SRPK2: variants seen among roughly 807,000 people sequenced by gnomAD.
The protein encoded by SRPK2 is SRSF protein kinase 2.
SRPK2 carries 21 observed loss-of-function variants against 90.8 expected under a neutral mutation model. That is an observed-to-expected ratio of 0.23 (90% CI 0.16 to 0.33). The LOEUF (loss-of-function observed/expected upper bound fraction) is 0.33. Among genes scored for constraint, SRPK2 ranks in the 10% least tolerant of loss-of-function variants. The pLI is 1.00. For missense variants in SRPK2, 620 were observed against 869.0 expected (o/e 0.71, Z 3.60); for synonymous variants, 288 against 311.1 (o/e 0.93, Z 0.78).
intron 2 of SRPK2, among the ~76,000 whole-genome samples, chr7:105,337,675 C>T (rs921250005): frequency 3.3e-5 from 5 of 151,930 alleles, no homozygotes; most frequent in East Asian, 1.9e-4. Context: ...CTCCTAAGCG[C>T]GATGGCACAG....
intron 11 of SRPK2, among the ~76,000 whole-genome samples, chr7:105,141,366 T>C (rs1187237275): frequency 6.6e-6 from 1 of 152,206 alleles, no homozygotes; most frequent in Non-Finnish European, 1.5e-5. Flanking sequence ...ACCAGCTGTG[T>C]TACCCAGTTT....
At chr7:105,146,752 T>C in intron 7 of SRPK2, 94 bp from the exon 8 acceptor site, 1 of 1,318,380 alleles carries the variant, frequency 7.6e-7, no homozygotes, top group South Asian at 1.3e-5. Context: ...AATGCCAGGG[T>C]ACAAAGTTTG....
intron 3 of SRPK2, among the ~76,000 whole-genome samples, chr7:105,196,797 C>T (rs2129607971): frequency 6.6e-6 from 1 of 152,282 alleles, no homozygotes; most frequent in East Asian, 1.9e-4. Flanking sequence ...CACCTGTAAT[C>T]CCTGCACTTT....
rs367795168 is a variant in SRPK2 at position 105,268,907 on chromosome 7, T to C, written c.72-65122A>G. The C allele has an allele frequency of 8.3e-6, 13 of 1,564,974 alleles. No individual in the cohort carries two copies. In the African/African-American group the frequency reaches 1.6e-4, roughly 19 times the overall value. ...GAAAATATTCACAACCAAGATTGCC[T>C]GCCCTTGCTTTCAAGCCTTATATCA... On this transcript the variant is annotated intron_variant, in intron 2 of 15. Transcript: ENST00000393651.
At chr7:105,277,765 A>C (rs961722782) in intron 2 of SRPK2, among the ~76,000 whole-genome samples, 1 of 152,176 alleles carries the variant, frequency 6.6e-6, no homozygotes, top group Non-Finnish European at 1.5e-5. Flanking sequence ...TTTTATCCCC[A>C]CCCATCAAAA....
At chr7:105,219,231 G>C (rs1797820948) in intron 2 of SRPK2, among the ~76,000 whole-genome samples, 1 of 152,100 alleles carries the variant, frequency 6.6e-6, no homozygotes, top group African/African-American at 2.4e-5. Context: ...GGAGACACTA[G>C]GCACAAGGAT....
At chr7:105,302,801 T>C (rs1768297560) in intron 2 of SRPK2, among the ~76,000 whole-genome samples, 1 of 152,188 alleles carries the variant, frequency 6.6e-6, no homozygotes, top group South Asian at 2.1e-4. Context: ...ATGCTGGCCC[T>C]TCCTTAAAAC....
chr7:105,373,649 C>T (rs1819961787), intron 2 of SRPK2, among the ~76,000 whole-genome samples: 4 of 152,154 alleles, frequency 2.6e-5, no homozygotes, highest in South Asian at 4.2e-4. Context: ...GTGATCCGCT[C>T]GCTTCGGCCT....
intron 11 of SRPK2, 34 bp from the exon 12 acceptor site, chr7:105,133,138 C>G: frequency 6.2e-7 from 1 of 1,602,256 alleles, no homozygotes; most frequent in Non-Finnish European, 8.6e-7. Context: ...AGTTAGTGAT[C>G]GGGATAGGTG....
chr7:105,215,388 G>A (rs1454157383), intron 2 of SRPK2, among the ~76,000 whole-genome samples: 1 of 152,162 alleles, frequency 6.6e-6, no homozygotes, highest in Non-Finnish European at 1.5e-5. Flanking sequence ...CACAAGTATT[G>A]ATGATGAAAA....
At chr7:105,266,850 T>A (rs527385610) in intron 2 of SRPK2, among the ~76,000 whole-genome samples, 1 of 152,284 alleles carries the variant, frequency 6.6e-6, no homozygotes, top group Admixed American at 6.5e-5. Flanking sequence ...GACAAATGAT[T>A]TGACTGTTCA....
intron 2 of SRPK2, among the ~76,000 whole-genome samples, chr7:105,373,058 T>C (rs1013913001): frequency 3.3e-5 from 5 of 152,072 alleles, no homozygotes; most frequent in African/African-American, 1.2e-4. Context: ...CATTGCTCTC[T>C]AGCCTCAGCG....
At position 105,180,640 on chromosome 7, in the gene SRPK2, C is replaced by A. The variant is rs187801176; in HGVS notation, c.230-11375G>T. On this transcript the variant is annotated intron_variant, in intron 3 of 15. Transcript: ENST00000393651. ...AGGTGTGGTGGCGCATGCCTTTAAT[C>A]CCAGCTACTGGGGAGGCTGAGGCAG... 1.1e-4 allele frequency among the ~76,000 whole-genome samples: 17 copies of A among 152,286 alleles called. No individual in the cohort carries two copies. The East Asian group carries it at 2.9e-3, about 26-fold the overall frequency.
At chr7:105,266,817 A>G (rs1457368812) in intron 2 of SRPK2, among the ~76,000 whole-genome samples, 1 of 152,190 alleles carries the variant, frequency 6.6e-6, no homozygotes, top group Non-Finnish European at 1.5e-5. Context: ...TTATTTTTCA[A>G]GTTCCTCCAA....
chr7:105,338,123 A>C (rs1815325948), intron 2 of SRPK2, among the ~76,000 whole-genome samples: 1 of 152,060 alleles, frequency 6.6e-6, no homozygotes, highest in Admixed American at 6.6e-5. Flanking sequence ...TAGAACCAAA[A>C]CCCTGAAAAT....
At chr7:105,329,334 A>C (rs1046300802) in intron 2 of SRPK2, among the ~76,000 whole-genome samples, 2 of 152,178 alleles carry the variant, frequency 1.3e-5, no homozygotes, top group African/African-American at 4.8e-5. Flanking sequence ...GGAAGAGAAG[A>C]GTGGGTATTA....
intron 2 of SRPK2, among the ~76,000 whole-genome samples, chr7:105,318,002 C>G (rs1297968671): frequency 6.6e-6 from 1 of 152,178 alleles, no homozygotes; most frequent in Non-Finnish European, 1.5e-5. Context: ...CCACCCGACT[C>G]AGCCTCAGCC....
At chr7:105,281,149 T>C (rs1807278267) in intron 2 of SRPK2, among the ~76,000 whole-genome samples, 1 of 151,174 alleles carries the variant, frequency 6.6e-6, no homozygotes, top group Non-Finnish European at 1.5e-5. Flanking sequence ...CAGGCTGGAG[T>C]ATAGTAGCGC....
chr7:105,284,066 TTTTG>T (rs1353094921), intron 2 of SRPK2, among the ~76,000 whole-genome samples: 3 of 152,172 alleles, frequency 2.0e-5, no homozygotes, highest in Non-Finnish European at 4.4e-5. Flanking sequence ...TGTTTGTTTT[TTTTG>T]TTTGTTTGTT....
Sources: gnomAD v4.1 joint callset for allele counts (sites outside exome capture counted in the v4.1 genomes callset) on GRCh38, gnomAD v4.1.1 for gene constraint, MANE v1.5 for transcripts, NCBI Gene and HGNC (gene_info 2026-07-23, HGNC 2026-07-21) for gene names.